Variants in BCHE observed in about 807,000 individuals in gnomAD.
BCHE encodes the protein cholinesterase.
In BCHE, 48 loss-of-function variants were observed where a neutral mutation model predicts 51.3. The observed-to-expected ratio is 0.94, with a 90% CI of 0.74 to 1.19. BCHE has a LOEUF of 1.19. Among genes scored for constraint, BCHE ranks in the 50% most tolerant of loss-of-function variants. The pLI, the probability that BCHE is intolerant of heterozygous loss-of-function variation, is 0.00. For missense variants in BCHE, 847 were observed against 708.2 expected (o/e 1.20, Z -2.23); for synonymous variants, 251 against 238.0 (o/e 1.05, Z -0.50).
intron 2 of BCHE, among the ~76,000 whole-genome samples, chr3:165,827,416 G>T (rs995324232): frequency 4.0e-5 from 6 of 150,634 alleles, no homozygotes; most frequent in African/African-American, 1.5e-4. Context: ...CCATTATAAG[G>T]TTAATATTAA....
chr3:165,813,765 T>A lies in BCHE; in HGVS notation c.1517+15752A>T, dbSNP rs776370123. Among the ~76,000 whole-genome samples, 3 of 152,078 alleles carry A rather than the reference T, an allele frequency of 2.0e-5. No individual in the cohort carries two copies. The South Asian group carries it at 6.2e-4, about 31-fold the overall frequency. On this transcript the variant is annotated intron_variant, in intron 2 of 3. Coordinates refer to ENST00000264381, the MANE Select transcript of BCHE (RefSeq NM_000055.4). ...GATAATCATTTATCTGACTCTAATA[T>A]TATTTATTCTTTATATATAAATGGT...
intron 3 of BCHE, chr3:165,778,448 C>T (rs2108195925): frequency 4.8e-6 from 1 of 209,002 alleles, no homozygotes; most frequent in South Asian, 7.8e-5. Context: ...GAATCAATAA[C>T]CAGAACATAT....
chr3:165,809,536 TCTCA>T (rs1265869451), intron 2 of BCHE, among the ~76,000 whole-genome samples: 7 of 152,164 alleles, frequency 4.6e-5, no homozygotes, highest in Non-Finnish European at 1.0e-4. Context: ...AAATGTTATT[TCTCA>T]CTATGTATAT....
chr3:165,801,967 T>G (rs1235844315), intron 2 of BCHE, among the ~76,000 whole-genome samples: 1 of 152,218 alleles, frequency 6.6e-6, no homozygotes, highest in African/African-American at 2.4e-5. Flanking sequence ...ATTTAGCTAT[T>G]GCCCACTTCT....
rs761325231 is a variant in BCHE, at chr3:165,830,418, C to G, written c.616G>C (p.Val206Leu). 2 of 1,613,804 alleles carry G rather than the reference C, an allele frequency of 1.2e-6. No individual in the cohort carries two copies. Residue 206 changes from valine (V) to leucine (L), a missense_variant, in exon 2 of 4, where the codon GTT becomes CTT. Transcript: ENST00000264381. ...LFDQQLALQWVQKNIAAFGGN... is the reference protein window; with the variant it reads ...LFDQQLALQWLQKNIAAFGGN... ...CCAAAGGCTGCTATATTTTTTTGAA[C>G]CCACTGAAGAGCCAACTGTTGATCA... is the stretch of plus-strand genomic sequence containing the variant.
chr3:165,801,001 T>C (rs145324118), intron 2 of BCHE, among the ~76,000 whole-genome samples: 264 of 152,324 alleles, frequency 1.7e-3, no homozygotes, highest in African/African-American at 6.2e-3. Context: ...TATTGAGTCA[T>C]AGAAAGGAGT....
intron 2 of BCHE, among the ~76,000 whole-genome samples, chr3:165,803,372 A>C (rs1489660173): frequency 1.3e-5 from 2 of 152,184 alleles, no homozygotes; most frequent in Non-Finnish European, 2.9e-5. Context: ...ATGAGTTTCT[A>C]ACTCATTCTA....
intron 3 of BCHE, 61 bp from the exon 4 acceptor site, chr3:165,773,567 A>G (rs1335722779): frequency 6.9e-7 from 1 of 1,445,676 alleles, no homozygotes; most frequent in Non-Finnish European, 9.6e-7. Context: ...TAACTGAAAA[A>G]TAATTTCGAA....
intron 2 of BCHE, among the ~76,000 whole-genome samples, chr3:165,790,714 A>C (rs575149332): frequency 4.2e-4 from 64 of 152,306 alleles, no homozygotes; most frequent in African/African-American, 1.4e-3. Flanking sequence ...ATAGAAAATG[A>C]AGTGAAGACT....
At chr3:165,825,452 G>A (rs183877663) in intron 2 of BCHE, among the ~76,000 whole-genome samples, 14 of 151,720 alleles carry the variant, frequency 9.2e-5, no homozygotes, top group African/African-American at 2.9e-4. Context: ...TGATAAGATG[G>A]AAATAAATTA....
rs143584802 is a variant in BCHE, at chr3:165,823,618, T to C, written c.1517+5899A>G. 3.9e-4 allele frequency among the ~76,000 whole-genome samples: 60 copies of C among 152,110 alleles called. No individual in the cohort carries two copies. The East Asian group carries it at 0.011, about 29-fold the overall frequency. On this transcript the variant is annotated intron_variant, in intron 2 of 3. Coordinates refer to ENST00000264381, the MANE Select transcript of BCHE (RefSeq NM_000055.4). ...GATAGCTCTATGTCCTATGAAGTAT[T>C]ATATTTATAATAAGATATTTTCCCA...
At chr3:165,779,955 A>G (rs1244675854) in intron 3 of BCHE, among the ~76,000 whole-genome samples, 15 of 152,160 alleles carry the variant, frequency 9.9e-5, no homozygotes, top group Admixed American at 9.8e-4. Flanking sequence ...CATAGCAAAA[A>G]CAATCTTAAG....
rs1479346257 is a variant in BCHE at position 165,825,054 on chromosome 3, G to T, written c.1517+4463C>A. Among the ~76,000 whole-genome samples the T allele has an allele frequency of 5.3e-5, 8 of 151,548 alleles. No homozygotes were observed. In the East Asian group the frequency reaches 1.6e-3, roughly 29 times the overall value. The stretch of plus-strand genomic sequence containing the variant: ...AAAGTTTTGTTTGTGAAAACATAGT[G>T]TACTCCTTTAAACTCTCCAATTAAA... On this transcript the variant is annotated intron_variant, in intron 2 of 3. Coordinates refer to ENST00000264381, the MANE Select transcript of BCHE (RefSeq NM_000055.4).
intron 2 of BCHE, among the ~76,000 whole-genome samples, chr3:165,815,432 C>G (rs1354807154): frequency 6.6e-6 from 1 of 152,052 alleles, no homozygotes; most frequent in Non-Finnish European, 1.5e-5. Context: ...TTTTGAGTAG[C>G]TTCAGCTCTG....
chr3:165,785,241 G>A (rs1712897308), intron 3 of BCHE, among the ~76,000 whole-genome samples: 1 of 151,794 alleles, frequency 6.6e-6, no homozygotes, highest in African/African-American at 2.4e-5. Flanking sequence ...GAAAATTACA[G>A]ATCGTCATGA....
At chr3:165,812,540 G>A (rs1235954656) in intron 2 of BCHE, among the ~76,000 whole-genome samples, 1 of 151,776 alleles carries the variant, frequency 6.6e-6, no homozygotes, top group Non-Finnish European at 1.5e-5. Flanking sequence ...ACAATTTTCT[G>A]TATAATCACA....
intron 2 of BCHE, among the ~76,000 whole-genome samples, chr3:165,822,621 C>T (rs895595780): frequency 2.0e-5 from 3 of 151,998 alleles, no homozygotes; most frequent in African/African-American, 7.2e-5. Context: ...GGCTGTGTAA[C>T]TGCACTGTGA....
chr3:165,819,514 C>A (rs890380394), intron 2 of BCHE, among the ~76,000 whole-genome samples: 4 of 152,000 alleles, frequency 2.6e-5, no homozygotes, highest in African/African-American at 9.7e-5. Flanking sequence ...GAAGTACATT[C>A]CTTCATAAAT....
intron 2 of BCHE, among the ~76,000 whole-genome samples, chr3:165,807,849 C>T (rs1713926233): frequency 6.6e-6 from 1 of 152,078 alleles, no homozygotes; most frequent in African/African-American, 2.4e-5. Context: ...CAGGCATGAG[C>T]CACTACACCT....
Sources: gnomAD v4.1 joint callset for allele counts (sites outside exome capture counted in the v4.1 genomes callset) on GRCh38, gnomAD v4.1.1 for gene constraint, MANE v1.5 for transcripts, NCBI Gene and HGNC (gene_info 2026-07-23, HGNC 2026-07-21) for gene names.